Variants in ANKFN1 observed in about 807,000 individuals in gnomAD.
ANKFN1 encodes ankyrin repeat and fibronectin type-III domain-containing protein 1.
In ANKFN1, 74 loss-of-function variants were observed where a neutral mutation model predicts 108.7. The observed-to-expected ratio is 0.68, with a 90% CI of 0.56 to 0.83. The LOEUF (loss-of-function observed/expected upper bound fraction) is 0.83. Among genes scored for constraint, ANKFN1 ranks in the 40% least tolerant of loss-of-function variants. ANKFN1 has a pLI of 0.00. For missense variants in ANKFN1, 1,505 were observed against 1,382.3 expected, an observed-to-expected ratio of 1.09 and a Z score of -1.41; for synonymous variants, 547 against 516.2, an observed-to-expected ratio of 1.06 and a Z score of -0.81.
chr17:56,259,948 T>A (rs867079960), intron 3 of ANKFN1, among the ~76,000 whole-genome samples: 42 of 121,982 alleles, frequency 3.4e-4, no homozygotes, highest in Admixed American at 1.2e-3. Context: ...ACACACACAC[T>A]CTTTTCAAAT....
chr17:56,380,642 A>C (rs1598489680), intron 8 of ANKFN1, among the ~76,000 whole-genome samples: 1 of 152,210 alleles, frequency 6.6e-6, no homozygotes, highest in Non-Finnish European at 1.5e-5. Flanking sequence ...TATCCCACAC[A>C]TGGCTCAGAG....
chr17:56,509,573 G>A lies in ANKFN1; in HGVS notation c.2645-900G>A, dbSNP rs377107096. Among the ~76,000 whole-genome samples, 4 of 152,318 alleles carry A rather than the reference G, an allele frequency of 2.6e-5. No individual in the cohort carries two copies. In the East Asian group the frequency reaches 7.7e-4, roughly 29 times the overall value. ...CTGCAGGGGAAGCTGAAAAAAGGCGGTCTTTTACATAAGTGCGTTGGTGTC... is the reference window on the plus strand; with the variant it reads ...CTGCAGGGGAAGCTGAAAAAAGGCGATCTTTTACATAAGTGCGTTGGTGTC... On this transcript the variant is annotated intron_variant, in intron 20 of 20. Transcript: ENST00000682825.
At chr17:56,396,399 G>C (rs775296345) in intron 8 of ANKFN1, among the ~76,000 whole-genome samples, 4 of 152,190 alleles carry the variant, frequency 2.6e-5, no homozygotes, top group Non-Finnish European at 4.4e-5. Context: ...AGTGAGCTGA[G>C]ATTGCGCCAC....
intron 20 of ANKFN1, 50 bp from the exon 21 acceptor site, chr17:56,510,423 G>A: frequency 2.0e-6 from 3 of 1,465,440 alleles, no homozygotes; most frequent in Non-Finnish European, 2.7e-6. Flanking sequence ...CTGTGAAGCA[G>A]GCTCTAGCTA....
At chr17:56,243,468 C>G (rs886690637) in intron 3 of ANKFN1, among the ~76,000 whole-genome samples, 1 of 152,162 alleles carries the variant, frequency 6.6e-6, no homozygotes, top group Admixed American at 6.6e-5. Flanking sequence ...TGGGCCACAA[C>G]TCAATAGTCC....
chr17:56,348,292 C>T (rs2046157959), intron 4 of ANKFN1, among the ~76,000 whole-genome samples: 2 of 152,094 alleles, frequency 1.3e-5, no homozygotes, highest in African/African-American at 2.4e-5. Context: ...TGGCATCATC[C>T]TTCCAAATGT....
intron 1 of ANKFN1, among the ~76,000 whole-genome samples, chr17:56,157,286 A>T (rs1403882681): frequency 1.3e-5 from 2 of 152,198 alleles, no homozygotes; most frequent in Non-Finnish European, 2.9e-5. Flanking sequence ...TATCTAAAAC[A>T]GGTGAGGAGG....
At chr17:56,173,965 C>T (rs547142596) in intron 1 of ANKFN1, among the ~76,000 whole-genome samples, 1 of 152,236 alleles carries the variant, frequency 6.6e-6, no homozygotes, top group African/African-American at 2.4e-5. Context: ...CCTGAGTATT[C>T]CTTCCTCATC....
rs145030056 is a variant in ANKFN1 at position 56,431,433 on chromosome 17, G to C, written c.911-8894G>C. ...AGGGAATAATATGACCTAAGGCTCA[G>C]AAATTAGCTTAAATGCTCAGCAAAG... On this transcript the variant is annotated intron_variant, in intron 8 of 20. Coordinates refer to ENST00000682825, the MANE Select transcript of ANKFN1 (RefSeq NM_001370326.1). Among the ~76,000 whole-genome samples, 278 of 152,316 alleles carry C rather than the reference G, an allele frequency of 1.8e-3. 3 individuals carry two copies. The East Asian group carries it at 0.046, about 25-fold the overall frequency.
chr17:56,201,670 TG>T (rs1284242009), intron 1 of ANKFN1, among the ~76,000 whole-genome samples: 1 of 133,804 alleles, frequency 7.5e-6, no homozygotes, highest in East Asian at 2.4e-4. Flanking sequence ...ATGTTATTTG[TG>T]AAAAAAAAAA....
intron 1 of ANKFN1, among the ~76,000 whole-genome samples, chr17:56,170,801 TATATATAC>T (rs1407489803): frequency 0.012 from 761 of 64,196 alleles, 6 homozygotes; most frequent in South Asian, 0.016. Flanking sequence ...TATATATATA[TATATATAC>T]ACACACACAC....
chr17:56,159,137 T>C (rs1465564557), intron 1 of ANKFN1, among the ~76,000 whole-genome samples: 1 of 152,062 alleles, frequency 6.6e-6, no homozygotes, highest in Non-Finnish European at 1.5e-5. Context: ...GCCAGTTTTG[T>C]TGAATTCTGT....
intron 4 of ANKFN1, among the ~76,000 whole-genome samples, chr17:56,052,629 G>A (rs1904797802): frequency 6.6e-6 from 1 of 152,122 alleles, no homozygotes; most frequent in Admixed American, 6.6e-5. Context: ...TTCACTGCAT[G>A]CATTCCCATC....
At chr17:56,493,036 T>C (rs2051091408) in intron 19 of ANKFN1, among the ~76,000 whole-genome samples, 1 of 152,158 alleles carries the variant, frequency 6.6e-6, no homozygotes, top group Non-Finnish European at 1.5e-5. Flanking sequence ...ATGAGTAGAA[T>C]AGCAATAGCC....
intron 4 of ANKFN1, among the ~76,000 whole-genome samples, chr17:56,101,630 T>C (rs891784543): frequency 1.3e-5 from 2 of 152,214 alleles, no homozygotes; most frequent in Admixed American, 6.5e-5. Flanking sequence ...CTCCAAGACA[T>C]CATCAGTAGA....
At chr17:56,329,067 G>A (rs2045595508) in intron 4 of ANKFN1, among the ~76,000 whole-genome samples, 1 of 152,032 alleles carries the variant, frequency 6.6e-6, no homozygotes, top group Non-Finnish European at 1.5e-5. Flanking sequence ...TCCTCTAGCT[G>A]CTACCAGAGC....
chr17:56,229,720 A>G (rs1217343476), intron 3 of ANKFN1, among the ~76,000 whole-genome samples: 1 of 143,470 alleles, frequency 7.0e-6, no homozygotes, highest in Non-Finnish European at 1.5e-5. Context: ...TTTACTTTAG[A>G]GGTCTCAGTT....
chr17:56,368,233 T>A, intron 6 of ANKFN1: 1 of 978,622 alleles, frequency 1.0e-6, no homozygotes. Flanking sequence ...TATCAAGAGG[T>A]ATAAAACACC....
At chr17:56,118,664 T>A (rs1261879327) in intron 4 of ANKFN1, among the ~76,000 whole-genome samples, 1 of 152,168 alleles carries the variant, frequency 6.6e-6, no homozygotes, top group African/African-American at 2.4e-5. Context: ...ATAGTATAGA[T>A]GAGAAATAAT....
Sources: gnomAD v4.1 joint callset for allele counts (sites outside exome capture counted in the v4.1 genomes callset) on GRCh38, gnomAD v4.1.1 for gene constraint, MANE v1.5 for transcripts, NCBI Gene and HGNC (gene_info 2026-07-23, HGNC 2026-07-21) for gene names.